Variants in SLC44A1 observed in about 807,000 individuals in gnomAD.
The protein encoded by SLC44A1 is solute carrier family 44 member 1.
Under a neutral mutation model 79.3 loss-of-function variants are expected in SLC44A1, and 26 were observed. That is an observed-to-expected ratio of 0.33 (90% CI 0.24 to 0.46). The LOEUF (loss-of-function observed/expected upper bound fraction) is 0.46. Ranked by LOEUF, SLC44A1 falls within the 20% of genes least tolerant of loss-of-function variation. The pLI is 1.00. For missense variants in SLC44A1, 688 were observed against 798.1 expected (o/e 0.86, Z 1.66); for synonymous variants, 263 against 286.2 (o/e 0.92, Z 0.82).
rs1320806952 is a variant in SLC44A1, at chr9:105,260,988, T to C, written c.36+16084T>C. On this transcript the variant is annotated intron_variant, in intron 1 of 15. Coordinates refer to ENST00000374720, the MANE Select transcript of SLC44A1 (RefSeq NM_080546.5). ...GGATGGAGTATTCAGAGACTAAACA[T>C]TTAGTTTGTGGTGCTGATACTTGTC... is the stretch of plus-strand genomic sequence containing the variant. Among the ~76,000 whole-genome samples the C allele has an allele frequency of 4.6e-5, 7 of 152,270 alleles. No homozygotes were observed. The South Asian group carries it at 1.0e-3, about 23-fold the overall frequency.
intron 1 of SLC44A1, among the ~76,000 whole-genome samples, chr9:105,271,806 G>A (rs941777603): frequency 6.6e-6 from 1 of 152,060 alleles, no homozygotes; most frequent in Non-Finnish European, 1.5e-5. Flanking sequence ...TAGAGACGGG[G>A]TTTCGCTATG....
intron 5 of SLC44A1, among the ~76,000 whole-genome samples, chr9:105,351,673 AGAAC>A (rs1827450987): frequency 6.8e-6 from 1 of 146,586 alleles, no homozygotes; most frequent in African/African-American, 2.5e-5. Context: ...AAAGAAAGAA[AGAAC>A]CAAGAAAAAA....
rs1200579434 is a variant in SLC44A1, at chr9:105,261,763, T to TTC, written c.36+16871_36+16872dup. ...TGCCAGAGCCCAGCTGAATCTGTGT[T>TTC]TCTCTCTCTCTCTTTTTTTTTTTTT... is the stretch of plus-strand genomic sequence containing the variant. On this transcript the variant is annotated intron_variant, in intron 1 of 15. Coordinates refer to ENST00000374720, the MANE Select transcript of SLC44A1 (RefSeq NM_080546.5). 1.1e-3 allele frequency among the ~76,000 whole-genome samples: 159 copies of TTC among 148,570 alleles called. 1 individual carries two copies. Among genetic ancestry groups the TTC allele is most frequent in the African/African-American group, 3.5e-3 (135 of 39,008 alleles).
intron 1 of SLC44A1, among the ~76,000 whole-genome samples, chr9:105,249,184 A>G (rs1399636246): frequency 6.6e-6 from 1 of 152,258 alleles, no homozygotes; most frequent in African/African-American, 2.4e-5. Flanking sequence ...AATAAAAAAC[A>G]ATCAGAAGTG....
chr9:105,438,334 T>C (rs1829489929), exon 16 of SLC44A1: 1 of 1,538,156 alleles, frequency 6.5e-7, no homozygotes, highest in Non-Finnish European at 8.8e-7. Context: ...TCAGAGGAGG[T>C]TGTTTACATG....
intron 3 of SLC44A1, among the ~76,000 whole-genome samples, chr9:105,332,935 T>C (rs1826797666): frequency 6.6e-6 from 1 of 152,178 alleles, no homozygotes; most frequent in Non-Finnish European, 1.5e-5. Context: ...ATCGGTGATA[T>C]GTAATTTTTC....
At chr9:105,354,066 T>G (rs1357728187) in intron 5 of SLC44A1, among the ~76,000 whole-genome samples, 1 of 138,504 alleles carries the variant, frequency 7.2e-6, no homozygotes, top group East Asian at 2.0e-4. Flanking sequence ...TTTTTTTTTT[T>G]TTGAGACGGA....
intron 3 of SLC44A1, among the ~76,000 whole-genome samples, chr9:105,324,015 T>A (rs1826486819): frequency 6.7e-6 from 1 of 150,266 alleles, no homozygotes; most frequent in Non-Finnish European, 1.5e-5. Flanking sequence ...TTTTTGTTTT[T>A]GTTTTTGACG....
intron 1 of SLC44A1, among the ~76,000 whole-genome samples, chr9:105,249,300 A>G (rs372481528): frequency 6.6e-6 from 1 of 152,328 alleles, no homozygotes; most frequent in African/African-American, 2.4e-5. Flanking sequence ...AGATGGTAAA[A>G]ATTAAATTTG....
intron 5 of SLC44A1, among the ~76,000 whole-genome samples, chr9:105,354,297 G>T (rs560346007): frequency 2.8e-4 from 43 of 151,706 alleles, no homozygotes; most frequent in Middle Eastern, 3.4e-3. Flanking sequence ...TGATCCGCCC[G>T]CCTCGGCCTC....
At chr9:105,348,559 G>A (rs1370432097) in intron 5 of SLC44A1, 108 bp downstream of exon 5, 1 of 631,226 alleles carries the variant, frequency 1.6e-6, no homozygotes, top group African/African-American at 1.9e-5. Context: ...TGTTGGCCAG[G>A]TCCAATACTT....
chr9:105,396,757 G>A lies in SLC44A1; in HGVS notation c.*7701G>A, dbSNP rs1828884920. On this transcript the variant is annotated 3_prime_UTR_variant, in exon 16 of 16. Coordinates refer to ENST00000374720, the MANE Select transcript of SLC44A1 (RefSeq NM_080546.5). The stretch of plus-strand genomic sequence containing the variant: ...TTTGCCATTTGCATCCTATTTCATA[G>A]TGCCAAAATGAATTTTTGTATCTTG... The A allele has an allele frequency of 2.0e-6, 2 of 983,532 alleles. No homozygotes were observed. The highest frequency in any genetic ancestry group is 3.5e-5 in the African/African-American group (2 of 56,684). The allele number at this position is 983,532 out of a possible 1,614,324, so 60.9% of individuals were successfully genotyped here.
intron 3 of SLC44A1, among the ~76,000 whole-genome samples, chr9:105,331,051 T>G (rs914568705): frequency 1.3e-5 from 2 of 152,246 alleles, no homozygotes; most frequent in Admixed American, 6.5e-5. Context: ...CTGTTACTGC[T>G]TCTTGTCTTT....
downstream of SLC44A1, among the ~76,000 whole-genome samples, chr9:105,399,788 T>C (rs73514020): frequency 5.5e-3 from 833 of 152,334 alleles, 4 homozygotes; most frequent in African/African-American, 0.019. Context: ...CTCATTTATA[T>C]GAAATAAATT....
intron 3 of SLC44A1, among the ~76,000 whole-genome samples, chr9:105,311,896 G>C (rs1438612851): frequency 6.6e-6 from 1 of 152,118 alleles, no homozygotes; most frequent in African/African-American, 2.4e-5. Flanking sequence ...CTTTGTGTTT[G>C]TCACCTTCAT....
At position 105,390,511 on chromosome 9, in the gene SLC44A1, A is replaced by G. The variant is rs1386319743; in HGVS notation, c.*1455A>G. ...CTTTTGAAAGAAAGCATTGCCTCCT[A>G]CCAGAACTAGACAGTGAATTAGATC... On this transcript the variant is annotated 3_prime_UTR_variant, in exon 16 of 16. Coordinates refer to ENST00000374720, the MANE Select transcript of SLC44A1 (RefSeq NM_080546.5). The G allele has an allele frequency of 1.0e-6, 1 of 984,376 alleles. No individual in the cohort carries two copies. Among genetic ancestry groups the G allele is most frequent in the Non-Finnish European group, 1.2e-6 (1 of 829,812 alleles). The allele number at this position is 984,376 out of a possible 1,614,324, so 61.0% of individuals were successfully genotyped here. A position where few individuals can be genotyped will look rare whatever the true frequency, so the allele number is the denominator to read the frequency against.
intron 1 of SLC44A1, among the ~76,000 whole-genome samples, chr9:105,255,986 G>A (rs752346364): frequency 1.3e-5 from 2 of 152,088 alleles, no homozygotes; most frequent in Non-Finnish European, 2.9e-5. Context: ...TTGTGTTTGA[G>A]TTTTGGAAAG....
intron 3 of SLC44A1, among the ~76,000 whole-genome samples, chr9:105,316,806 T>C (rs1831340000): frequency 6.6e-6 from 1 of 152,316 alleles, no homozygotes; most frequent in South Asian, 2.1e-4. Context: ...GGAACCACCA[T>C]TGTATTACTT....
At chr9:105,350,862 C>T (rs535224653) in intron 5 of SLC44A1, among the ~76,000 whole-genome samples, 43 of 152,258 alleles carry the variant, frequency 2.8e-4, no homozygotes, top group Non-Finnish European at 5.0e-4. Context: ...TATCCAGGGG[C>T]CTTCTACAGC....
Sources: allele counts gnomAD v4.1 joint callset (sites outside exome capture counted in the v4.1 genomes callset), GRCh38; gene constraint gnomAD v4.1.1; transcripts MANE v1.5; gene names NCBI Gene and HGNC (gene_info 2026-07-23, HGNC 2026-07-21).